Variants in GRID1 observed in about 807,000 individuals in gnomAD.
GRID1 encodes the protein glutamate receptor ionotropic, delta-1.
A neutral mutation model predicts 98.0 loss-of-function variants in GRID1; 28 were observed. The ratio of observed to expected loss-of-function variants is 0.29; its 90% CI spans 0.21 to 0.39. The LOEUF is 0.39. Among genes scored for constraint, GRID1 ranks in the 10% least tolerant of loss-of-function variants. The probability of loss-of-function intolerance (pLI) is 1.00; values close to 1 mark genes in which losing one functional copy is unlikely to be tolerated. For missense variants in GRID1, 1,111 were observed against 1,340.5 expected, an observed-to-expected ratio of 0.83 and a Z score of 2.67; for synonymous variants, 553 against 538.5, an observed-to-expected ratio of 1.03 and a Z score of -0.37.
intron 14 of GRID1, among the ~76,000 whole-genome samples, chr10:85,618,127 T>C (rs767168715): frequency 2.0e-5 from 3 of 152,242 alleles, no homozygotes; most frequent in Non-Finnish European, 2.9e-5. Context: ...CCCGGGTTCC[T>C]GGACTAATGT....
chr10:86,283,312 G>A (rs1847381756), intron 2 of GRID1, among the ~76,000 whole-genome samples: 1 of 152,180 alleles, frequency 6.6e-6, no homozygotes, highest in African/African-American at 2.4e-5. Flanking sequence ...GAGGGGGAAG[G>A]GAGGACTCAG....
chr10:86,165,636 G>A (rs922111903), intron 3 of GRID1, among the ~76,000 whole-genome samples: 1 of 152,216 alleles, frequency 6.6e-6, no homozygotes, highest in African/African-American at 2.4e-5. Flanking sequence ...TTGGGTTTAA[G>A]GTTATAAAGA....
At chr10:86,344,931 A>G (rs1476083606) in intron 2 of GRID1, among the ~76,000 whole-genome samples, 1 of 152,230 alleles carries the variant, frequency 6.6e-6, no homozygotes, top group Non-Finnish European at 1.5e-5. Context: ...CCCTCTGACC[A>G]GTGAGGAGTG....
intron 2 of GRID1, among the ~76,000 whole-genome samples, chr10:86,335,681 C>A (rs919046407): frequency 6.6e-6 from 1 of 152,210 alleles, no homozygotes; most frequent in Non-Finnish European, 1.5e-5. Flanking sequence ...ACTGCTATAT[C>A]CCCTGCATCC....
chr10:85,614,956 G>A lies in GRID1; in HGVS notation c.2361-1309C>T, dbSNP rs559595420. Among the ~76,000 whole-genome samples the A allele has an allele frequency of 3.6e-4, 55 of 152,298 alleles. 1 individual carries two copies. Among genetic ancestry groups the A allele is most frequent in the Admixed American group, 2.2e-3 (33 of 15,304 alleles). Reference sequence around the variant, plus strand: ...GAGCTCTTTAAGCCTGATCCATGGTGATATTTTCGACTGATATCATCAGTA... The same window carrying A: ...GAGCTCTTTAAGCCTGATCCATGGTAATATTTTCGACTGATATCATCAGTA... On this transcript the variant is annotated intron_variant, in intron 14 of 15. Coordinates refer to ENST00000327946, the MANE Select transcript of GRID1 (RefSeq NM_017551.3).
chr10:85,868,829 T>A (rs893391591), intron 6 of GRID1, among the ~76,000 whole-genome samples, 181 bp downstream of exon 6: 2 of 152,192 alleles, frequency 1.3e-5, no homozygotes, highest in Admixed American at 1.3e-4. Context: ...ACAACAGGCA[T>A]AATTGCCTGC....
At chr10:86,092,294 T>A (rs948313080) in intron 4 of GRID1, among the ~76,000 whole-genome samples, 3 of 151,976 alleles carry the variant, frequency 2.0e-5, no homozygotes, top group East Asian at 3.9e-4. Flanking sequence ...AGAAAAAAAA[T>A]TCAGGAAACT....
chr10:85,752,379 G>A (rs149031137), intron 8 of GRID1, among the ~76,000 whole-genome samples: 218 of 152,188 alleles, frequency 1.4e-3, no homozygotes, highest in African/African-American at 5.0e-3. Context: ...CATGACCCCT[G>A]TGAAAAAATG....
intron 4 of GRID1, among the ~76,000 whole-genome samples, chr10:85,931,875 C>A (rs1271822798): frequency 6.6e-6 from 1 of 152,132 alleles, no homozygotes; most frequent in Non-Finnish European, 1.5e-5. Context: ...ATGGAAGATT[C>A]CCCAATGTCA....
Position 86,057,453 on chromosome 10 carries a change from A to G in GRID1, c.726+81366T>C, listed in dbSNP as rs571773379. Among the ~76,000 whole-genome samples the G allele has an allele frequency of 2.6e-5, 4 of 152,304 alleles. No individual in the cohort carries two copies. In the East Asian group the frequency reaches 7.7e-4, roughly 29 times the overall value. ...TGCTTAGTGCAGCTGCACTGCATCAACCAAGCCATGGCTCTTCTCTGTTCT... is the reference window on the plus strand; with the variant it reads ...TGCTTAGTGCAGCTGCACTGCATCAGCCAAGCCATGGCTCTTCTCTGTTCT... On this transcript the variant is annotated intron_variant, in intron 4 of 15. Coordinates refer to ENST00000327946, the MANE Select transcript of GRID1 (RefSeq NM_017551.3).
At chr10:86,097,577 A>G (rs1844239572) in intron 4 of GRID1, among the ~76,000 whole-genome samples, 1 of 152,122 alleles carries the variant, frequency 6.6e-6, no homozygotes, top group Non-Finnish European at 1.5e-5. Flanking sequence ...ATCTATCTGT[A>G]TCCTATTGGT....
chr10:86,001,878 G>A (rs116159180), intron 4 of GRID1, among the ~76,000 whole-genome samples: 12 of 152,236 alleles, frequency 7.9e-5, no homozygotes, highest in Admixed American at 2.0e-4. Flanking sequence ...CAGCAAGGCC[G>A]TGCTCCCTTC....
chr10:86,103,451 C>T lies in GRID1; in HGVS notation c.726+35368G>A, dbSNP rs183877415. Among the ~76,000 whole-genome samples, 3 of 152,312 alleles carry T rather than the reference C, an allele frequency of 2.0e-5. No homozygotes were observed. The East Asian group carries it at 5.8e-4, about 29-fold the overall frequency. On this transcript the variant is annotated intron_variant, in intron 4 of 15. Transcript: ENST00000327946. ...CTCAGCCTCAGCTTAGTGCCCAGGG[C>T]TAGATTCACATTATGCCATGTAAGG... is the stretch of plus-strand genomic sequence containing the variant.
chr10:85,676,940 G>A (rs775659417), intron 12 of GRID1, among the ~76,000 whole-genome samples: 65 of 152,126 alleles, frequency 4.3e-4, no homozygotes, highest in Non-Finnish European at 8.7e-4. Context: ...TTTATGTTTG[G>A]GGTAGTAATA....
intron 2 of GRID1, among the ~76,000 whole-genome samples, chr10:86,339,481 T>G (rs1848278291): frequency 2.0e-5 from 3 of 152,218 alleles, no homozygotes; most frequent in African/African-American, 2.4e-5. Context: ...CTGCACCCTG[T>G]GGCTGGGCTA....
chr10:86,363,839 G>T, intron 2 of GRID1, 102 bp downstream of exon 2: 1 of 984,786 alleles, frequency 1.0e-6, no homozygotes, highest in South Asian at 1.6e-5. Context: ...AGGAACAGAG[G>T]GTGCCCTGCG....
In GRID1 at chr10:86,093,202, C is replaced by G. The variant is rs144536577; in HGVS notation, c.726+45617G>C. ...AACTGAATGACAATAATGACACAAC[C>G]TATCAAAACCTCTGGGATACAGCAA... On this transcript the variant is annotated intron_variant, in intron 4 of 15. Coordinates refer to ENST00000327946, the MANE Select transcript of GRID1 (RefSeq NM_017551.3). Among the ~76,000 whole-genome samples, 647 of 151,904 alleles carry G rather than the reference C, an allele frequency of 4.3e-3. 3 individuals carry two copies. Among genetic ancestry groups the G allele is most frequent in the Non-Finnish European group, 6.2e-3 (418 of 67,918 alleles).
At chr10:85,631,028 T>G (rs1475234468) in intron 13 of GRID1, among the ~76,000 whole-genome samples, 2 of 152,214 alleles carry the variant, frequency 1.3e-5, no homozygotes, top group Admixed American at 6.5e-5. Context: ...AAAGTCACAC[T>G]GAATATCTTC....
intron 3 of GRID1, among the ~76,000 whole-genome samples, chr10:86,205,041 G>A (rs1846006392): frequency 6.6e-6 from 1 of 152,190 alleles, no homozygotes; most frequent in South Asian, 2.1e-4. Flanking sequence ...TCCAGTTCAG[G>A]TCCTGCCCTT....
Sources: gnomAD v4.1 joint callset for allele counts (sites outside exome capture counted in the v4.1 genomes callset) on GRCh38, gnomAD v4.1.1 for gene constraint, MANE v1.5 for transcripts, NCBI Gene and HGNC (gene_info 2026-07-23, HGNC 2026-07-21) for gene names.